The following LDAF1 variants were observed in gnomAD, a reference collection of about 807,000 sequenced individuals.
The protein encoded by LDAF1 is lipid droplet assembly factor 1.
In LDAF1, 7 loss-of-function variants were observed where a neutral mutation model predicts 13.5. That is an observed-to-expected ratio of 0.52 (90% CI 0.29 to 0.97). LDAF1 has a LOEUF of 0.97. Among genes scored for constraint, LDAF1 ranks in the 50% least tolerant of loss-of-function variants. The probability of loss-of-function intolerance (pLI) is 0.07; values close to 1 mark genes in which losing one functional copy is unlikely to be tolerated. For synonymous variants in LDAF1, 69 were observed against 77.1 expected (o/e 0.89, Z 0.55); for missense variants, 148 against 193.2 (o/e 0.77, Z 1.39).
intron 3 of LDAF1, among the ~76,000 whole-genome samples, chr16:21,170,840 G>A (rs2093081398): frequency 6.6e-6 from 1 of 152,070 alleles, no homozygotes; most frequent in East Asian, 1.9e-4. Context: ...ATCAAGCAAG[G>A]CAACTTATCA....
intron 1 of LDAF1, chr16:21,160,115 ATAAAT>A (rs2092952080): frequency 3.5e-6 from 1 of 284,482 alleles, no homozygotes; most frequent in Non-Finnish European, 5.3e-6. Flanking sequence ...TATATGATAA[ATAAAT>A]GTGAGGATCT....
chr16:21,179,121 G>A (rs1042568948), intron 4 of LDAF1, among the ~76,000 whole-genome samples: 2 of 152,094 alleles, frequency 1.3e-5, no homozygotes, highest in Non-Finnish European at 2.9e-5. Context: ...GGTCTTGAAC[G>A]GGCTGCTTGA....
chr16:21,159,362 C>G (rs1382462540), intron 1 of LDAF1: 1 of 1,614,072 alleles, frequency 6.2e-7, no homozygotes, highest in Non-Finnish European at 8.5e-7. Flanking sequence ...TTGGGTCTCC[C>G]TGGCTTTTGA....
In LDAF1 at chr16:21,180,144, G is replaced by A. The variant is rs2093169890; in HGVS notation, c.*588G>A. ...GTTTCCACTGTAACTGTTGAGTACT[G>A]TTAAGTACTGTTAATCTTTTACATA... is the stretch of plus-strand genomic sequence containing the variant. On this transcript the variant is annotated 3_prime_UTR_variant, in exon 5 of 5. Coordinates refer to ENST00000233047, the MANE Select transcript of LDAF1 (RefSeq NM_001301771.2). 1 of 150,980 alleles carries A rather than the reference G, an allele frequency of 6.6e-6. No homozygotes were observed. The allele number at this position is 150,980 out of a possible 1,614,324, so 9.4% of individuals were successfully genotyped here.
rs747501346 is a variant in LDAF1, at chr16:21,170,590, G to T, written c.250G>T (p.Val84Phe). 65 of 1,613,958 alleles carry T rather than the reference G, an allele frequency of 4.0e-5. No homozygotes were observed. The highest frequency in any genetic ancestry group is 5.4e-5 in the Non-Finnish European group (64 of 1,180,032). Residue 84 changes from valine to phenylalanine, a missense_variant, in exon 3 of 5, where the codon GTC becomes TTC. By Grantham distance (50) the Val-to-Phe change is conservative. Coordinates refer to ENST00000233047, the MANE Select transcript of LDAF1 (RefSeq NM_001301771.2). Reference sequence around the variant, plus strand: ...TACCACCCTGGCTGCTCTGCTGGGGGTCATAATATTGGAAGGTAGCCTGTT... The same window carrying T: ...TACCACCCTGGCTGCTCTGCTGGGGTTCATAATATTGGAAGGTAGCCTGTT... ...VLTTLAALLG[V>F]IILEGLVISV... is the part of the protein sequence containing the mutation.
At position 21,179,721 on chromosome 16, in the gene LDAF1, G is replaced by T. The variant is rs1169295995; in HGVS notation, c.*165G>T. On this transcript the variant is annotated 3_prime_UTR_variant, in exon 5 of 5. Transcript: ENST00000233047. ...TCCCGCAGCAGCCAATTTAGGGATT[G>T]TGTTGTTCTTGTGTTGGTTCCCATG... 1.7e-6 allele frequency: 1 copy of T among 595,754 alleles called. No individual in the cohort carries two copies. The highest frequency in any genetic ancestry group is 2.9e-6 in the Non-Finnish European group (1 of 340,544). The allele number at this position is 595,754 out of a possible 1,614,324, so 36.9% of individuals were successfully genotyped here.
At chr16:21,165,449 G>A (rs1464747760) in intron 2 of LDAF1, 1 of 297,822 alleles carries the variant, frequency 3.4e-6, no homozygotes, top group Non-Finnish European at 4.9e-6. Flanking sequence ...GATTCCTTAA[G>A]GACTGAAGTG....
Position 21,179,494 on chromosome 16 carries a change from A to G in LDAF1, c.424A>G (p.Thr142Ala). 6.2e-7 allele frequency: 1 copy of G among 1,614,130 alleles called. No homozygotes were observed. The highest frequency in any genetic ancestry group is 8.5e-7 in the Non-Finnish European group (1 of 1,180,030). Residue 142 changes from threonine (T) to alanine (A), a missense_variant, in exon 5 of 5, where the codon ACC (threonine) becomes GCC (alanine). By Grantham distance (58) the Thr-to-Ala change is moderately conservative. Transcript: ENST00000233047. ...CGACAGGCCACTGACACAGCAAAAC[A>G]CCAGTTGTGACTTTCTGCCAGCCAT... ...FSPRPLTQQN[T>A]SCDFLPAMKS...
intron 2 of LDAF1, among the ~76,000 whole-genome samples, chr16:21,162,135 G>A (rs369888340): frequency 2.0e-5 from 3 of 151,510 alleles, no homozygotes; most frequent in Non-Finnish European, 4.4e-5. Flanking sequence ...CAGCCTGGGC[G>A]ACAGAGCGAG....
chr16:21,177,267 A>G (rs2093147299), intron 4 of LDAF1: 1 of 151,976 alleles, frequency 6.6e-6, no homozygotes, highest in Admixed American at 6.5e-5. Flanking sequence ...TGCGGTTGGG[A>G]GAGGGAGGCA....
intron 2 of LDAF1, among the ~76,000 whole-genome samples, chr16:21,161,594 C>T (rs990610152): frequency 1.3e-5 from 2 of 152,202 alleles, no homozygotes; most frequent in African/African-American, 4.8e-5. Flanking sequence ...CTTAAGCCAA[C>T]ATTGAGTCAT....
intron 2 of LDAF1, 33 bp downstream of exon 2, chr16:21,161,311 T>A: frequency 6.2e-7 from 1 of 1,607,606 alleles, no homozygotes; most frequent in South Asian, 1.1e-5. Context: ...TAATGGAAAA[T>A]CCCAATATAA....
intron 1 of LDAF1, among the ~76,000 whole-genome samples, chr16:21,160,363 C>G (rs1011588421): frequency 6.6e-6 from 1 of 152,062 alleles, no homozygotes; most frequent in Non-Finnish European, 1.5e-5. Flanking sequence ...GATTGGGACA[C>G]CCCTCAAAAT....
rs181716243 is a variant in LDAF1, at chr16:21,180,104, A to C, written c.*548A>C. ...TTTGTGGCCAAGAGTATTTTCAAAAAAGTCTAAAGGTGTAGTTTCCACTGT... is the reference window on the plus strand; with the variant it reads ...TTTGTGGCCAAGAGTATTTTCAAAACAGTCTAAAGGTGTAGTTTCCACTGT... On this transcript the variant is annotated 3_prime_UTR_variant, in exon 5 of 5. Coordinates refer to ENST00000233047, the MANE Select transcript of LDAF1 (RefSeq NM_001301771.2). 30 of 155,878 alleles carry C rather than the reference A, an allele frequency of 1.9e-4. No individual in the cohort carries two copies. The highest frequency in any genetic ancestry group is 1.2e-3 in the Admixed American group (20 of 16,200). 9.7% of individuals were successfully genotyped at this position (155,878 alleles called of 1,614,324 possible). A position where few individuals can be genotyped will look rare whatever the true frequency, so the allele number is the denominator to read the frequency against.
chr16:21,175,045 A>C (rs1026359497), intron 4 of LDAF1, among the ~76,000 whole-genome samples: 1 of 152,182 alleles, frequency 6.6e-6, no homozygotes, highest in Non-Finnish European at 1.5e-5. Context: ...TGCTGGAGGG[A>C]AAAGCCAGCT....
At chr16:21,158,924 CCGGGA>C (rs1397129976) in intron 1 of LDAF1, among the ~76,000 whole-genome samples, 178 bp downstream of exon 1, 13 of 152,032 alleles carry the variant, frequency 8.6e-5, no homozygotes, top group Non-Finnish European at 1.9e-4. Flanking sequence ...TTATGAGTCG[CCGGGA>C]CGGGGCTGGG....
At chr16:21,163,481 C>T (rs189815481) in intron 2 of LDAF1, among the ~76,000 whole-genome samples, 7 of 152,148 alleles carry the variant, frequency 4.6e-5, no homozygotes, top group South Asian at 2.1e-4. Flanking sequence ...CCCTTCTCTA[C>T]GAAAAATACA....
intron 2 of LDAF1, chr16:21,167,049 A>T (rs2093031055): frequency 1.3e-6 from 1 of 771,032 alleles, no homozygotes; most frequent in Non-Finnish European, 2.1e-6. Context: ...CAGGGAGTGA[A>T]ATTGGCCATG....
Position 21,161,203 on chromosome 16 carries a change from G to T in LDAF1, c.21G>T (p.Gln7His), listed in dbSNP as rs1226763232. 1 of 1,614,214 alleles carries T rather than the reference G, an allele frequency of 6.2e-7. No homozygotes were observed. The highest frequency in any genetic ancestry group is 1.7e-5 in the Admixed American group (1 of 60,024). The change falls in exon 2 of 5, where the codon CAG becomes CAT. Residue 7 changes from glutamine to histidine, a missense_variant. Physicochemically the swap from Gln to His is conservative, Grantham distance 24. Transcript: ENST00000233047. MAKEEP[Q>H]SISRDLQELQ... ...TCAGAATGGCAAAAGAGGAGCCCCA[G>T]AGTATCTCAAGGGACTTGCAGGAAC...
Sources: gnomAD v4.1 joint callset for allele counts (sites outside exome capture counted in the v4.1 genomes callset) on GRCh38, gnomAD v4.1.1 for gene constraint, MANE v1.5 for transcripts, NCBI Gene and HGNC (gene_info 2026-07-23, HGNC 2026-07-21) for gene names.